SNRPF: variants seen among roughly 807,000 people sequenced by gnomAD.
The protein encoded by SNRPF is small nuclear ribonucleoprotein F.
In SNRPF, 1 loss-of-function variant was observed where a neutral mutation model predicts 13.4. That is an observed-to-expected ratio of 0.07 (90% confidence interval 0.03 to 0.35). The LOEUF is 0.35. Among genes scored for constraint, SNRPF ranks in the 10% least tolerant of loss-of-function variants. The pLI is 0.99. For missense variants in SNRPF, 53 were observed against 101.0 expected, an observed-to-expected ratio of 0.52 and a Z score of 2.04; for synonymous variants, 27 against 32.1, an observed-to-expected ratio of 0.84 and a Z score of 0.54.
At chr12:95,865,058 T>G (rs2079514262) in intron 2 of SNRPF, 1 of 260,144 alleles carries the variant, frequency 3.8e-6, no homozygotes, top group Non-Finnish European at 7.3e-6. Context: ...TGTTTTAATA[T>G]CTAATAGAAA....
chr12:95,859,209 C>CT (rs2079481683), intron 1 of SNRPF, 133 bp downstream of exon 1: 2 of 738,184 alleles, frequency 2.7e-6, no homozygotes, highest in Non-Finnish European at 4.5e-6. Context: ...TCGCCAGCTC[C>CT]TTTCACTCTG....
At chr12:95,859,128 A>G (rs773649715) in intron 1 of SNRPF, 52 bp downstream of exon 1, 3 of 1,519,022 alleles carry the variant, frequency 2.0e-6, no homozygotes, top group Admixed American at 1.7e-5. Flanking sequence ...AAGGAGGGAG[A>G]CCAGCCTCGC....
chr12:95,859,822 C>G (rs1312047959), intron 1 of SNRPF, among the ~76,000 whole-genome samples: 1 of 152,152 alleles, frequency 6.6e-6, no homozygotes, highest in Non-Finnish European at 1.5e-5. Flanking sequence ...TTTGATTGTA[C>G]TCCAAATCAA....
At chr12:95,861,103 G>C in intron 1 of SNRPF, 65 bp from the exon 2 acceptor site, 1 of 1,469,960 alleles carries the variant, frequency 6.8e-7, no homozygotes. Context: ...TTGGTGATTC[G>C]GTAGAAGAGA....
In SNRPF at chr12:95,866,087, A is replaced by G; in HGVS notation, c.*16A>G. The stretch of plus-strand genomic sequence containing the variant: ...GAGAGAATAGCATCTTTTGTGGGGG[A>G]TTTTTTTTATATATATTTCTAGACA... On this transcript the variant is annotated 3_prime_UTR_variant, in exon 4 of 4. Coordinates refer to ENST00000266735, the MANE Select transcript of SNRPF (RefSeq NM_003095.5). 1 of 1,277,388 alleles carries G rather than the reference A, an allele frequency of 7.8e-7. No individual in the cohort carries two copies. Among genetic ancestry groups the G allele is most frequent in the Non-Finnish European group, 1.1e-6 (1 of 896,890 alleles). 79.1% of individuals were successfully genotyped at this position (1,277,388 alleles called of 1,614,324 possible). A position where few individuals can be genotyped will look rare whatever the true frequency, so the allele number is the denominator to read the frequency against.
intron 2 of SNRPF, 173 bp downstream of exon 2, chr12:95,861,466 C>T (rs2079496195): frequency 2.2e-6 from 1 of 455,574 alleles, no homozygotes; most frequent in Non-Finnish European, 3.8e-6. Flanking sequence ...AGGTACAAGA[C>T]ATGGACTTAA....
intron 2 of SNRPF, among the ~76,000 whole-genome samples, chr12:95,863,238 T>G (rs913969272): frequency 6.6e-6 from 1 of 151,854 alleles, no homozygotes; most frequent in Non-Finnish European, 1.5e-5. Context: ...TAAACAGGAG[T>G]CATTTACCAA....
chr12:95,865,974 G>T, intron 3 of SNRPF, 31 bp from the exon 4 acceptor site: 1 of 1,032,474 alleles, frequency 9.7e-7, no homozygotes, highest in South Asian at 1.4e-5. Context: ...TTTCTGGTTG[G>T]AACAACAAAA....
chr12:95,865,950 C>T (rs1045877551), intron 3 of SNRPF, 55 bp from the exon 4 acceptor site: 54 of 723,744 alleles, frequency 7.5e-5, no homozygotes, highest in Middle Eastern at 3.9e-4. Flanking sequence ...TATAGTAATT[C>T]ATATCATACA....
intron 1 of SNRPF, among the ~76,000 whole-genome samples, chr12:95,860,008 T>C (rs2079487464): frequency 6.6e-6 from 1 of 152,218 alleles, no homozygotes. Context: ...AATATGCTCA[T>C]GTTAGAGGGG....
At chr12:95,864,687 T>A (rs2079513000) in intron 2 of SNRPF, among the ~76,000 whole-genome samples, 1 of 152,240 alleles carries the variant, frequency 6.6e-6, no homozygotes, top group African/African-American at 2.4e-5. Flanking sequence ...GGAGGATCAC[T>A]TGAAGGCAGA....
At chr12:95,865,279 T>C in intron 2 of SNRPF, 45 bp from the exon 3 acceptor site, 1 of 956,204 alleles carries the variant, frequency 1.0e-6, no homozygotes, top group Non-Finnish European at 1.7e-6. Flanking sequence ...ATTGTAATAT[T>C]TTCCTCCTGT....
intron 2 of SNRPF, among the ~76,000 whole-genome samples, chr12:95,862,192 G>A (rs766892832): frequency 3.3e-5 from 5 of 152,100 alleles, no homozygotes; most frequent in Non-Finnish European, 7.4e-5. Context: ...GTTGTAGCAT[G>A]TGTCAGAATT....
At chr12:95,862,123 T>C (rs1023419901) in intron 2 of SNRPF, among the ~76,000 whole-genome samples, 1 of 152,250 alleles carries the variant, frequency 6.6e-6, no homozygotes, top group African/African-American at 2.4e-5. Flanking sequence ...AATTGTGTAT[T>C]ATCCTTTTGT....
chr12:95,859,019 A>T lies in SNRPF; in HGVS notation c.-55A>T, dbSNP rs540422287. 36 of 1,608,366 alleles carry T rather than the reference A, an allele frequency of 2.2e-5. No individual in the cohort carries two copies. In the South Asian group the frequency reaches 3.8e-4, roughly 17 times the overall value. ...GCGGTACCTGCTGTAGTCACGAGGG[A>T]CGGGCGGCGGCCTGGTCGGCAGAGA... On this transcript the variant is annotated 5_prime_UTR_variant, in exon 1 of 4. Coordinates refer to ENST00000266735, the MANE Select transcript of SNRPF (RefSeq NM_003095.5).
In SNRPF at chr12:95,866,094, TTA is replaced by T; in HGVS notation, c.*31_*32del. The T allele has an allele frequency of 8.4e-7, 1 of 1,186,296 alleles. No individual in the cohort carries two copies. The highest frequency in any genetic ancestry group is 1.2e-6 in the Non-Finnish European group (1 of 815,252). The allele number at this position is 1,186,296 out of a possible 1,614,324, so 73.5% of individuals were successfully genotyped here. Reference sequence around the variant, plus strand: ...TAGCATCTTTTGTGGGGGATTTTTTTTATATATATTTCTAGACAATAAAGATT... The same window carrying T: ...TAGCATCTTTTGTGGGGGATTTTTTTTATATATTTCTAGACAATAAAGATT... On this transcript the variant is annotated 3_prime_UTR_variant, in exon 4 of 4. Coordinates refer to ENST00000266735, the MANE Select transcript of SNRPF (RefSeq NM_003095.5).
intron 1 of SNRPF, 51 bp downstream of exon 1, chr12:95,859,127 G>C: frequency 1.1e-5 from 17 of 1,509,356 alleles, no homozygotes; most frequent in South Asian, 3.4e-5. Flanking sequence ...GAAGGAGGGA[G>C]ACCAGCCTCG....
intron 2 of SNRPF, chr12:95,865,083 C>T: frequency 3.2e-6 from 1 of 311,872 alleles, no homozygotes; most frequent in South Asian, 8.0e-5. Context: ...TATTACATAA[C>T]CTGGGAGATT....
At chr12:95,860,817 T>C (rs2079492012) in intron 1 of SNRPF, among the ~76,000 whole-genome samples, 1 of 149,720 alleles carries the variant, frequency 6.7e-6, no homozygotes, top group Non-Finnish European at 1.5e-5. Context: ...TCCAGATTAC[T>C]GGAATTACAG....
Sources: gnomAD v4.1 joint callset for allele counts (sites outside exome capture counted in the v4.1 genomes callset) on GRCh38, gnomAD v4.1.1 for gene constraint, MANE v1.5 for transcripts, NCBI Gene and HGNC (gene_info 2026-07-23, HGNC 2026-07-21) for gene names.